Variants in SMPD3 observed in about 807,000 individuals in gnomAD.
SMPD3 encodes nSMase-2.
In SMPD3, 21 loss-of-function variants were observed where a neutral mutation model predicts 55.7. The ratio of observed to expected loss-of-function variants is 0.38; its 90% confidence interval spans 0.27 to 0.54. SMPD3 has a LOEUF of 0.54. Among genes scored for constraint, SMPD3 ranks in the 20% least tolerant of loss-of-function variants. The probability of loss-of-function intolerance (pLI) is 0.80; values close to 1 mark genes in which losing one functional copy is unlikely to be tolerated. For synonymous variants in SMPD3, 457 were observed against 404.3 expected (o/e 1.13, Z -1.56); for missense variants, 842 against 899.6 (o/e 0.94, Z 0.82).
chr16:68,444,273 A>G (rs909512324), intron 1 of SMPD3, among the ~76,000 whole-genome samples: 2 of 152,184 alleles, frequency 1.3e-5, no homozygotes, highest in Non-Finnish European at 2.9e-5. Flanking sequence ...TCTCCTCCAC[A>G]GTGATCCAGC....
At position 68,361,153 on chromosome 16, in the gene SMPD3, A is replaced by T; in HGVS notation, c.*53T>A. 6.5e-7 allele frequency: 1 copy of T among 1,538,266 alleles called. No individual in the cohort carries two copies. Among genetic ancestry groups the T allele is most frequent in the Non-Finnish European group, 8.9e-7 (1 of 1,119,498 alleles). ...GCACTCGATGGAGGGGACATGGCCC[A>T]GGGATGGGCTGCAGCTGCAAGGGCT... On this transcript the variant is annotated 3_prime_UTR_variant, in exon 9 of 9. Coordinates refer to ENST00000219334, the MANE Select transcript of SMPD3 (RefSeq NM_018667.4).
intron 1 of SMPD3, among the ~76,000 whole-genome samples, chr16:68,409,031 C>T (rs1043302627): frequency 2.0e-5 from 3 of 152,202 alleles, no homozygotes; most frequent in African/African-American, 7.2e-5. Context: ...GGGCCCTGCA[C>T]TGCAGGTGAC....
In SMPD3 at chr16:68,371,519, A is replaced by G. The variant is rs775834613; in HGVS notation, c.663T>C (p.Gly221=). The change falls in exon 3 of 9, where the codon GGT becomes GGC. Residue 221 remains glycine (G), a synonymous_variant. Transcript: ENST00000219334. ...AGGCTGGGCCGTTGGCAGCCTCGTCACCGGGGTGCCGCCCACCGTCACCCT... is the reference window on the plus strand; with the variant it reads ...AGGCTGGGCCGTTGGCAGCCTCGTCGCCGGGGTGCCGCCCACCGTCACCCT... The part of the protein sequence containing the change: ...EYKGDGGRHP[G]DEAANGPASG... 1.9e-5 allele frequency: 31 copies of G among 1,599,814 alleles called. No homozygotes were observed. Among genetic ancestry groups the G allele is most frequent in the Non-Finnish European group, 2.5e-5 (30 of 1,179,438 alleles).
At chr16:68,413,404 G>C (rs575364902) in intron 1 of SMPD3, among the ~76,000 whole-genome samples, 185 of 152,368 alleles carry the variant, frequency 1.2e-3, no homozygotes, top group African/African-American at 4.3e-3. Flanking sequence ...TCCATCATGA[G>C]GAAGGGACTG....
At chr16:68,398,307 AAT>A (rs1257719861) in intron 1 of SMPD3, among the ~76,000 whole-genome samples, 2 of 152,360 alleles carry the variant, frequency 1.3e-5, no homozygotes, top group African/African-American at 4.8e-5. Flanking sequence ...GTAGTTCTCA[AAT>A]AACCTTACTT....
At chr16:68,446,660 T>C (rs562887188) in intron 1 of SMPD3, among the ~76,000 whole-genome samples, 1 of 151,886 alleles carries the variant, frequency 6.6e-6, no homozygotes, top group South Asian at 2.1e-4. Flanking sequence ...CTTAAACACA[T>C]CCCCTCCCCA....
At chr16:68,374,429 C>T (rs1312998206) in intron 2 of SMPD3, among the ~76,000 whole-genome samples, 2 of 146,206 alleles carry the variant, frequency 1.4e-5, no homozygotes, top group Non-Finnish European at 2.9e-5. Context: ...CAGTTTGGAG[C>T]AGCATGTGTA....
intron 2 of SMPD3, among the ~76,000 whole-genome samples, chr16:68,380,545 G>A (rs942097709): frequency 1.3e-5 from 2 of 151,396 alleles, no homozygotes; most frequent in African/African-American, 2.5e-5. Context: ...AGCAGGTCAC[G>A]TCACCTGCTC....
intron 1 of SMPD3, among the ~76,000 whole-genome samples, chr16:68,397,896 G>A (rs2090173219): frequency 6.6e-6 from 1 of 152,240 alleles, no homozygotes; most frequent in African/African-American, 2.4e-5. Flanking sequence ...TAGAGGGTCT[G>A]GGACCTGGGT....
chr16:68,370,184 ACTC>A (rs1195503969), intron 3 of SMPD3: 2 of 152,150 alleles, frequency 1.3e-5, no homozygotes, highest in Non-Finnish European at 2.9e-5. Flanking sequence ...CAGCCTAAAA[ACTC>A]CTCCAATCGA....
chr16:68,427,751 C>CT (rs2090447333), intron 1 of SMPD3, among the ~76,000 whole-genome samples: 1 of 126,922 alleles, frequency 7.9e-6, no homozygotes, highest in Non-Finnish European at 1.8e-5. Context: ...TTAAAAATGA[C>CT]TGGGGGGGGG....
rs186860812 is a variant in SMPD3 at position 68,363,514 on chromosome 16, G to T, written c.1691C>A (p.Thr564Asn). 10 of 1,614,046 alleles carry T rather than the reference G, an allele frequency of 6.2e-6. 1 individual carries two copies. The highest frequency in any genetic ancestry group is 1.7e-4 in the Middle Eastern group (1 of 6,046). Residue 564 changes from threonine to asparagine, a missense_variant, in exon 7 of 9, where the codon ACC (threonine) becomes AAC (asparagine). Physicochemically the swap from Thr to Asn is moderately conservative, Grantham distance 65. Transcript: ENST00000219334. ...TNGLYDEDVC[T>N]PDNLQKVLES... ...TGCTTACTTCTGCAGGTTGTCGGGG[G>T]TGCACACATCCTCATCGTACAGGCC... is the stretch of plus-strand genomic sequence containing the variant.
Position 68,361,061 on chromosome 16 carries a change from G to T in SMPD3, c.*145C>A. On this transcript the variant is annotated 3_prime_UTR_variant, in exon 9 of 9. Transcript: ENST00000219334. ...AGGCCCAGAGGCGCAGAGCAGCGCA[G>T]CTTCCAGGTTCCCGGGCACTGACTG... The T allele has an allele frequency of 1.4e-6, 1 of 725,514 alleles. No individual in the cohort carries two copies. Among genetic ancestry groups the T allele is most frequent in the Non-Finnish European group, 2.2e-6 (1 of 445,836 alleles). The allele number at this position is 725,514 out of a possible 1,614,324, so 44.9% of individuals were successfully genotyped here. A position where few individuals can be genotyped will look rare whatever the true frequency, so the allele number is the denominator to read the frequency against.
intron 1 of SMPD3, among the ~76,000 whole-genome samples, chr16:68,421,170 C>T (rs1206895211): frequency 6.6e-6 from 1 of 152,188 alleles, no homozygotes; most frequent in Admixed American, 6.5e-5. Flanking sequence ...CACCAACTGC[C>T]TCTGTACACA....
chr16:68,402,647 C>CGGCCCCGATGACCAACAGT, intron 1 of SMPD3, among the ~76,000 whole-genome samples: 1 of 152,220 alleles, frequency 6.6e-6, no homozygotes, highest in African/African-American at 2.4e-5. Context: ...TGACCAACAG[C>CGGCCCCGATGACCAACAGT]GACCCCAGGC....
At chr16:68,445,882 G>A (rs748857823) in intron 1 of SMPD3, among the ~76,000 whole-genome samples, 4 of 152,216 alleles carry the variant, frequency 2.6e-5, no homozygotes, top group Non-Finnish European at 5.9e-5. Context: ...GCAGGTCTGG[G>A]AGGGGCATGC....
At chr16:68,364,068 C>T (rs1450513554) in intron 5 of SMPD3, among the ~76,000 whole-genome samples, 2 of 152,170 alleles carry the variant, frequency 1.3e-5, no homozygotes, top group East Asian at 1.9e-4. Flanking sequence ...GAGAACACCT[C>T]CCCCAGCACA....
At chr16:68,363,356 G>A (rs931114413) in intron 7 of SMPD3, 140 bp downstream of exon 7, 1 of 930,148 alleles carries the variant, frequency 1.1e-6, no homozygotes, top group African/African-American at 1.6e-5. Flanking sequence ...AGCTCTCAAA[G>A]GTGAGATGAG....
At chr16:68,391,805 A>G (rs921313343) in intron 1 of SMPD3, among the ~76,000 whole-genome samples, 2 of 152,234 alleles carry the variant, frequency 1.3e-5, no homozygotes, top group Admixed American at 1.3e-4. Flanking sequence ...CCCTAAACCC[A>G]CTGTGTGGCT....
Sources: gnomAD v4.1 joint callset for allele counts (sites outside exome capture counted in the v4.1 genomes callset) on GRCh38, gnomAD v4.1.1 for gene constraint, MANE v1.5 for transcripts, NCBI Gene and HGNC (gene_info 2026-07-23, HGNC 2026-07-21) for gene names.